Variants in ARHGEF37 observed in about 807,000 individuals in gnomAD.
ARHGEF37 encodes the protein Rho guanine nucleotide exchange factor (GEF) 37.
ARHGEF37 carries 55 observed loss-of-function variants against 71.1 expected under a neutral mutation model. That is an observed-to-expected ratio of 0.77 (90% confidence interval 0.62 to 0.97). The LOEUF is 0.97. ARHGEF37 is among the 50% of genes least tolerant of loss of function. ARHGEF37 has a pLI of 0.00. For missense variants in ARHGEF37, 765 were observed against 836.8 expected, an observed-to-expected ratio of 0.91 and a Z score of 1.06; for synonymous variants, 327 against 350.6, an observed-to-expected ratio of 0.93 and a Z score of 0.75.
At chr5:149,588,628 C>G (rs1448424032) in intron 1 of ARHGEF37, among the ~76,000 whole-genome samples, 1 of 152,170 alleles carries the variant, frequency 6.6e-6, no homozygotes, top group African/African-American at 2.4e-5. Flanking sequence ...CCTTTGCTCT[C>G]ATGATGTCTG....
chr5:149,613,043 C>T lies in ARHGEF37; in HGVS notation c.458+3348C>T, dbSNP rs948719355. ...GGTAGAGCTGTCAGGGTGGAAAAGG[C>T]GGCCTTGCAGAGGTGGGCCCGTCCA... On this transcript the variant is annotated intron_variant, in intron 4 of 12. Transcript: ENST00000333677. Among the ~76,000 whole-genome samples, 4 of 152,216 alleles carry T rather than the reference C, an allele frequency of 2.6e-5. No homozygotes were observed. In the South Asian group the frequency reaches 8.3e-4, roughly 31 times the overall value.
chr5:149,592,188 T>G (rs1763426185), intron 1 of ARHGEF37, among the ~76,000 whole-genome samples: 1 of 152,244 alleles, frequency 6.6e-6, no homozygotes, highest in Non-Finnish European at 1.5e-5. Context: ...TATTCCATTT[T>G]ATCATGTGTA....
intron 1 of ARHGEF37, among the ~76,000 whole-genome samples, chr5:149,576,220 G>A (rs531100389): frequency 6.6e-6 from 1 of 152,356 alleles, no homozygotes; most frequent in Admixed American, 6.5e-5. Flanking sequence ...ACTCCACCCT[G>A]AGTGACAAAG....
At position 149,612,684 on chromosome 5, in the gene ARHGEF37, C is replaced by G. The variant is rs945203395; in HGVS notation, c.458+2989C>G. On this transcript the variant is annotated intron_variant, in intron 4 of 12. Transcript: ENST00000333677. ...TCAGGGGGACATATGAGACATGGAA[C>G]AATTCTCTGTAGTTCAGGACTGTCC... Among the ~76,000 whole-genome samples, 7 of 152,178 alleles carry G rather than the reference C, an allele frequency of 4.6e-5. No homozygotes were observed. The East Asian group carries it at 1.3e-3, about 29-fold the overall frequency.
At chr5:149,578,861 C>G (rs1462148078), upstream of ARHGEF37, among the ~76,000 whole-genome samples, 1 of 152,104 alleles carries the variant, frequency 6.6e-6, no homozygotes, top group Admixed American at 6.5e-5. Flanking sequence ...CTAAAGTCAA[C>G]AAGTAGATTG....
chr5:149,594,924 A>G (rs1433939728), intron 1 of ARHGEF37, among the ~76,000 whole-genome samples: 1 of 152,258 alleles, frequency 6.6e-6, no homozygotes, highest in Non-Finnish European at 1.5e-5. Flanking sequence ...CCCACAATAT[A>G]CATGAATCTC....
intron 4 of ARHGEF37, among the ~76,000 whole-genome samples, chr5:149,610,856 G>A (rs1018220943): frequency 6.6e-6 from 1 of 152,238 alleles, no homozygotes; most frequent in Non-Finnish European, 1.5e-5. Flanking sequence ...GCTTTTGCTA[G>A]ATAACAAATC....
chr5:149,618,293 G>A lies in ARHGEF37; in HGVS notation c.776G>A (p.Gly259Glu), dbSNP rs1308919718. 1 of 1,614,082 alleles carries A rather than the reference G, an allele frequency of 6.2e-7. No homozygotes were observed. Among genetic ancestry groups the A allele is most frequent in the East Asian group, 2.2e-5 (1 of 44,894 alleles). Residue 259 changes from glycine (G) to glutamate (E), a missense_variant, in exon 6 of 13, where the codon GGG (glycine) becomes GAG (glutamate). Physicochemically the swap from Gly to Glu is moderately conservative, Grantham distance 98. Around this residue, in one of 5 missense-constraint regions of ARHGEF37, gnomAD observed 167 missense variants for 173.3 expected, o/e 0.96. Coordinates refer to ENST00000333677, the MANE Select transcript of ARHGEF37 (RefSeq NM_001001669.3). ...AGCCAGCTGCTGAAGCAGGAGGCGG[G>A]GCTGATCCCCAGGGTGAGCGTGCGC... The part of the protein sequence containing the change: ...RLSQLLKQEA[G>E]LIPRTEDKEF...
intron 1 of ARHGEF37, among the ~76,000 whole-genome samples, chr5:149,554,177 G>A (rs928688043): frequency 2.6e-5 from 4 of 151,690 alleles, no homozygotes; most frequent in Non-Finnish European, 4.4e-5. Context: ...CAAAAAAAAA[G>A]TTGAAAGCTG....
At chr5:149,618,914 A>C in intron 6 of ARHGEF37, 24 bp from the exon 7 acceptor site, 19 of 1,584,746 alleles carry the variant, frequency 1.2e-5, no homozygotes, top group Non-Finnish European at 1.5e-5. Context: ...GGATATTCTC[A>C]ACCCTCACAC....
chr5:149,611,007 G>A (rs1436454006), intron 4 of ARHGEF37, among the ~76,000 whole-genome samples: 1 of 152,224 alleles, frequency 6.6e-6, no homozygotes, highest in Non-Finnish European at 1.5e-5. Context: ...GGTCAGCTTT[G>A]CTGATCCTGG....
chr5:149,616,452 G>A (rs541183230), intron 4 of ARHGEF37, 115 bp from the exon 5 acceptor site: 48 of 952,472 alleles, frequency 5.0e-5, no homozygotes, highest in Admixed American at 3.5e-4. Flanking sequence ...CAGAGAGGGG[G>A]TGACTTGCCT....
intron 1 of ARHGEF37, among the ~76,000 whole-genome samples, chr5:149,586,302 T>C (rs1177879336): frequency 6.6e-6 from 1 of 152,224 alleles, no homozygotes; most frequent in East Asian, 1.9e-4. Context: ...TCTTGCTCTG[T>C]TGCTCAGGTT....
rs771362890 is a variant in ARHGEF37 at position 149,592,157 on chromosome 5, C to T, written c.-11-5602C>T. On this transcript the variant is annotated intron_variant, in intron 1 of 12. Coordinates refer to ENST00000333677, the MANE Select transcript of ARHGEF37 (RefSeq NM_001001669.3). Reference sequence around the variant, plus strand: ...AGGAAATGGGCATTGGTATAATATACGTGTTTGTGTTTGATTGTTCTATTC... The same window carrying T: ...AGGAAATGGGCATTGGTATAATATATGTGTTTGTGTTTGATTGTTCTATTC... 1.4e-4 allele frequency among the ~76,000 whole-genome samples: 22 copies of T among 152,266 alleles called. No homozygotes were observed. The South Asian group carries it at 1.7e-3, about 11-fold the overall frequency.
At chr5:149,624,816 A>G (rs758591471) in intron 10 of ARHGEF37, among the ~76,000 whole-genome samples, 2 of 151,948 alleles carry the variant, frequency 1.3e-5, no homozygotes, top group African/African-American at 2.4e-5. Context: ...TAAATTTCCT[A>G]TCGCTGTGGT....
chr5:149,625,430 C>T (rs1752656921), intron 10 of ARHGEF37, among the ~76,000 whole-genome samples: 1 of 152,254 alleles, frequency 6.6e-6, no homozygotes, highest in South Asian at 2.1e-4. Context: ...CCCTGAGATT[C>T]CCCAGAGGGA....
chr5:149,559,101 T>C (rs1170156307), intron 1 of ARHGEF37, among the ~76,000 whole-genome samples: 1 of 152,140 alleles, frequency 6.6e-6, no homozygotes, highest in African/African-American at 2.4e-5. Context: ...GGTGGGCAGA[T>C]CATGAGGTCA....
In ARHGEF37 at chr5:149,620,399, G is replaced by A. The variant is rs376361501; in HGVS notation, c.940G>A (p.Glu314Lys). 62 of 1,612,444 alleles carry A rather than the reference G, an allele frequency of 3.8e-5. No homozygotes were observed. The highest frequency in any genetic ancestry group is 2.1e-4 in the African/African-American group (16 of 74,800). The change falls in exon 8 of 13, where the codon GAG becomes AAG. Residue 314 changes from glutamate (E) to lysine (K), a missense_variant. Physicochemically the swap from Glu to Lys is moderately conservative, Grantham distance 56. Coordinates refer to ENST00000333677, the MANE Select transcript of ARHGEF37 (RefSeq NM_001001669.3). ...RPHEYNLDIPEGPAVQYCNLA... is the reference protein window; with the variant it reads ...RPHEYNLDIPKGPAVQYCNLA... ...GCACGAATACAATCTGGACATCCCCGAGGGGCCTGCAGTGCAGTATTGCAA... is the reference window on the plus strand; with the variant it reads ...GCACGAATACAATCTGGACATCCCCAAGGGGCCTGCAGTGCAGTATTGCAA...
At chr5:149,554,571 G>A (rs1248947487) in intron 1 of ARHGEF37, among the ~76,000 whole-genome samples, 1 of 151,866 alleles carries the variant, frequency 6.6e-6, no homozygotes, top group East Asian at 1.9e-4. Flanking sequence ...AATGAGATGT[G>A]AGTGGGTCTA....
Sources: gnomAD v4.1 joint callset for allele counts (sites outside exome capture counted in the v4.1 genomes callset) on GRCh38, gnomAD v4.1.1 for gene constraint, gnomAD v4.1.1 regional missense constraint, MANE v1.5 for transcripts, NCBI Gene and HGNC (gene_info 2026-07-23, HGNC 2026-07-21) for gene names.